The following TBX3 variants were observed in gnomAD, a reference collection of about 807,000 sequenced individuals.
TBX3 encodes T-box transcription factor 3.
Under a neutral mutation model 47.8 loss-of-function variants are expected in TBX3, and 11 were observed. The ratio of observed to expected loss-of-function variants is 0.23; its 90% CI spans 0.14 to 0.38. The LOEUF (loss-of-function observed/expected upper bound fraction) is 0.38, where lower values mean the gene tolerates loss of function less well. Ranked by LOEUF, TBX3 falls within the 10% of genes least tolerant of loss-of-function variation. The pLI is 1.00. For missense variants in TBX3, 927 were observed against 1,022.8 expected (o/e 0.91, Z 1.28); for synonymous variants, 500 against 449.3 (o/e 1.11, Z -1.43).
At chr12:114,673,513 T>C (rs484443) in intron 6 of TBX3, among the ~76,000 whole-genome samples, 73,629 of 151,866 alleles carry the variant, frequency 0.48, 17,932 homozygotes, top group Middle Eastern at 0.56. Context: ...GCTGGCCTGC[T>C]TGGGGTTGGG....
In TBX3 at chr12:114,671,907, C is replaced by G; in HGVS notation, c.2106G>C (p.Gln702His). The G allele has an allele frequency of 6.3e-7, 1 of 1,582,068 alleles. No homozygotes were observed. Among genetic ancestry groups the G allele is most frequent in the Non-Finnish European group, 8.6e-7 (1 of 1,164,206 alleles). Residue 702 changes from glutamine to histidine, a missense_variant, in exon 7 of 7, where the codon CAG (glutamine) becomes CAC (histidine). Around this residue, in one of 5 missense-constraint regions of TBX3, gnomAD observed 623 missense variants for 569.0 expected, o/e 1.09. Transcript: ENST00000349155. The part of the protein sequence containing the change: ...AEKEAATSEL[Q>H]SIQRLVSGLE... ...AGCCGCTAACCAACCGCTGGATGCT[C>G]TGCAGTTCGCTGGTGGCCGCCTCTT...
intron 5 of TBX3, 93 bp downstream of exon 5, chr12:114,676,220 G>T (rs575531064): frequency 7.6e-5 from 117 of 1,541,176 alleles, no homozygotes; most frequent in Non-Finnish European, 9.6e-5. Flanking sequence ...AGCTTTTAAA[G>T]GGCAAGTGCC....
At chr12:114,674,892 A>G in intron 5 of TBX3, 57 bp from the exon 6 acceptor site, 1 of 1,536,554 alleles carries the variant, frequency 6.5e-7, no homozygotes. Flanking sequence ...AGTATGAGCC[A>G]ACGGAACTCC....
intron 5 of TBX3, among the ~76,000 whole-genome samples, chr12:114,675,530 GA>G (rs1868668127): frequency 6.6e-6 from 1 of 151,968 alleles, no homozygotes; most frequent in South Asian, 2.1e-4. Context: ...TCCACCAGAA[GA>G]AAAGAAAAAG....
At position 114,671,355 on chromosome 12, in the gene TBX3, T is replaced by G; in HGVS notation, c.*486A>C. 1 of 248,782 alleles carries G rather than the reference T, an allele frequency of 4.0e-6. No homozygotes were observed. Among genetic ancestry groups the G allele is most frequent in the African/African-American group, 2.2e-5 (1 of 45,560 alleles). 15.4% of individuals were successfully genotyped at this position (248,782 alleles called of 1,614,324 possible). On this transcript the variant is annotated 3_prime_UTR_variant, in exon 7 of 7. Coordinates refer to ENST00000349155, the MANE Select transcript of TBX3 (RefSeq NM_005996.4). Reference sequence around the variant, plus strand: ...TCAGTAATTTATTGAGAACCGATAATGCAAGTCCCTATAAAGTTTTTAATC... The same window carrying G: ...TCAGTAATTTATTGAGAACCGATAAGGCAAGTCCCTATAAAGTTTTTAATC...
At position 114,680,692 on chromosome 12, in the gene TBX3, T is replaced by C. The variant is rs1868889404; in HGVS notation, c.657+187A>G. ...GGTAAGTTTTCTTGCCCCATTTCTT[T>C]TAGAACGCCAGGCCTTCCATTATTT... On this transcript the variant is annotated intron_variant, in intron 2 of 6. Coordinates refer to ENST00000349155, the MANE Select transcript of TBX3 (RefSeq NM_005996.4). 3.5e-6 allele frequency: 3 copies of C among 852,674 alleles called. No homozygotes were observed. The African/African-American group carries it at 5.1e-5, about 14-fold the overall frequency. The allele number at this position is 852,674 out of a possible 1,614,324, so 52.8% of individuals were successfully genotyped here.
chr12:114,672,474 G>C (rs1868494364), intron 6 of TBX3, among the ~76,000 whole-genome samples, 172 bp from the exon 7 acceptor site: 1 of 151,230 alleles, frequency 6.6e-6, no homozygotes, highest in Non-Finnish European at 1.5e-5. Flanking sequence ...GGGGGCAGGA[G>C]AGAAGTCAAC....
At chr12:114,674,142 G>A in intron 6 of TBX3, 23 bp downstream of exon 6, 1 of 1,574,732 alleles carries the variant, frequency 6.4e-7, no homozygotes, top group Non-Finnish European at 8.6e-7. Context: ...AAGACTGGTG[G>A]AGGCAGGAAG....
In TBX3 at chr12:114,683,932, G is replaced by T. The variant is rs189001123; in HGVS notation, c.-732C>A. 8.6e-6 allele frequency: 2 copies of T among 232,006 alleles called. No homozygotes were observed. The highest frequency in any genetic ancestry group is 6.1e-5 in the East Asian group (1 of 16,434). The allele number at this position is 232,006 out of a possible 1,614,324, so 14.4% of individuals were successfully genotyped here. ...GTGTCTCGGTTTCAATCCAAATCTT[G>T]CTGGGCTCTTCTCCCGTGCCTCTCT... On this transcript the variant is annotated 5_prime_UTR_variant, in exon 1 of 7. Transcript: ENST00000349155. The surrounding 1 kb of genome is among the most constrained non-coding windows in gnomAD (Gnocchi z 7.7).
rs1339600201 is a variant in TBX3, at chr12:114,677,492, G to T, written c.881+88C>A. On this transcript the variant is annotated intron_variant, in intron 4 of 6. Transcript: ENST00000349155. ...ATTTCCACCCGCTCTTAGGATAAGT[G>T]CCTGCATCTCACTTCTAACACTTCA... 7 of 1,260,490 alleles carry T rather than the reference G, an allele frequency of 5.6e-6. No homozygotes were observed. In the African/African-American group the frequency reaches 8.9e-5, roughly 16 times the overall value. The allele number at this position is 1,260,490 out of a possible 1,614,324, so 78.1% of individuals were successfully genotyped here. A position where few individuals can be genotyped will look rare whatever the true frequency, so the allele number is the denominator to read the frequency against.
intron 1 of TBX3, 134 bp from the exon 2 acceptor site, chr12:114,681,280 AGAGT>A: frequency 7.9e-7 from 1 of 1,266,922 alleles, no homozygotes; most frequent in Non-Finnish European, 1.1e-6. Flanking sequence ...TACATGTTTC[AGAGT>A]GAGGCAACTG....
chr12:114,673,292 C>T (rs1868530198), intron 6 of TBX3, among the ~76,000 whole-genome samples: 2 of 152,172 alleles, frequency 1.3e-5, no homozygotes, highest in African/African-American at 4.8e-5. Context: ...GGAGACCAGA[C>T]GAATGTGCTC....
At chr12:114,679,985 A>G (rs1868859407) in intron 2 of TBX3, 1 of 1,613,926 alleles carries the variant, frequency 6.2e-7, no homozygotes, top group South Asian at 1.1e-5. Context: ...TAAAAGATAG[A>G]GAAAAACATG....
rs138271676 is a variant in TBX3 at position 114,682,898 on chromosome 12, G to T, written c.303C>A (p.Asp101Glu). The change falls in exon 1 of 7, where the codon GAC becomes GAA. Residue 101 changes from aspartate (D) to glutamate (E), a missense_variant. Transcript: ENST00000349155. The stretch of plus-strand genomic sequence containing the variant: ...TAGCCTCCAGGTGCACCTTGGGGTC[G>T]TCCTCCACCTCTTCTTCGGGCTCCA... ...KTMEPEEEVE[D>E]DPKVHLEAKE... 3 of 1,614,008 alleles carry T rather than the reference G, an allele frequency of 1.9e-6. No homozygotes were observed. Among genetic ancestry groups the T allele is most frequent in the Non-Finnish European group, 1.7e-6 (2 of 1,180,036 alleles).
intron 5 of TBX3, 93 bp from the exon 6 acceptor site, chr12:114,674,928 G>A (rs1011111224): frequency 2.3e-5 from 34 of 1,477,068 alleles, no homozygotes; most frequent in Non-Finnish European, 2.8e-5. Flanking sequence ...ATCCCAGCTC[G>A]TGGCTTAGTG....
intron 2 of TBX3, 21 bp downstream of exon 2, chr12:114,680,858 G>T: frequency 6.2e-7 from 1 of 1,614,144 alleles, no homozygotes; most frequent in Non-Finnish European, 8.5e-7. Context: ...AAATTTTACT[G>T]AAGAGAGCAA....
rs767977369 is a variant in TBX3, at chr12:114,671,795, G to A, written c.*46C>T. 10 of 1,544,866 alleles carry A rather than the reference G, an allele frequency of 6.5e-6. No individual in the cohort carries two copies. The highest frequency in any genetic ancestry group is 1.2e-5 in the South Asian group (1 of 83,700). On this transcript the variant is annotated 3_prime_UTR_variant, in exon 7 of 7. Coordinates refer to ENST00000349155, the MANE Select transcript of TBX3 (RefSeq NM_005996.4). ...TTATTTTATATCCGACAAAGTGCAC[G>A]GCAGCCTGAACTGGACTGGAATGAA...
Position 114,674,156 on chromosome 12 carries a change from G to C in TBX3, c.1710+9C>G. 6.3e-7 allele frequency: 1 copy of C among 1,579,386 alleles called. No homozygotes were observed. Among genetic ancestry groups the C allele is most frequent in the Non-Finnish European group, 8.6e-7 (1 of 1,164,466 alleles). ...AAAGACTGGTGGAGGCAGGAAGAAG[G>C]ATCCATACCTGAGAGGCCAGGACGT... On this transcript the variant is annotated intron_variant, in intron 6 of 6. Transcript: ENST00000349155.
rs546946957 is a variant in TBX3, at chr12:114,671,420, AT to A, written c.*420del. 7.7e-3 allele frequency: 2,086 copies of A among 270,130 alleles called. 14 individuals carry two copies. The highest frequency in any genetic ancestry group is 0.024 in the African/African-American group (1,091 of 45,690). 16.7% of individuals were successfully genotyped at this position (270,130 alleles called of 1,614,324 possible). On this transcript the variant is annotated 3_prime_UTR_variant, in exon 7 of 7. Coordinates refer to ENST00000349155, the MANE Select transcript of TBX3 (RefSeq NM_005996.4). ...CATGTTAATGTGTTCACTTGTCCCG[AT>A]TTTTTTTTTGAAAGATTTTGTTTTT...
Sources: gnomAD v4.1 joint callset for allele counts (sites outside exome capture counted in the v4.1 genomes callset) on GRCh38, gnomAD v4.1.1 for gene constraint, gnomAD v4.1.1 regional missense constraint, Gnocchi (gnomAD v3.1) non-coding constraint, MANE v1.5 for transcripts, NCBI Gene and HGNC (gene_info 2026-07-23, HGNC 2026-07-21) for gene names.